Variants in ST6GALNAC3 observed in about 807,000 individuals in gnomAD.
ST6GALNAC3 encodes the protein alpha-N-acetylgalactosaminide alpha-2,6-sialyltransferase 3.
Under a neutral mutation model 32.7 loss-of-function variants are expected in ST6GALNAC3, and 25 were observed. The observed-to-expected ratio is 0.76, with a 90% confidence interval of 0.56 to 1.07. The LOEUF is 1.07. Among genes scored for constraint, ST6GALNAC3 ranks in the 50% least tolerant of loss-of-function variants. The pLI is 0.00. For synonymous variants in ST6GALNAC3, 129 were observed against 133.1 expected (o/e 0.97, Z 0.21); for missense variants, 355 against 382.4 (o/e 0.93, Z 0.60).
intron 3 of ST6GALNAC3, among the ~76,000 whole-genome samples, chr1:76,545,990 G>A (rs763541187): frequency 6.6e-6 from 1 of 152,140 alleles, no homozygotes; most frequent in Non-Finnish European, 1.5e-5. Flanking sequence ...AAAAACTGAG[G>A]TTGAACAATG....
intron 3 of ST6GALNAC3, among the ~76,000 whole-genome samples, chr1:76,618,422 A>T (rs1648431300): frequency 6.6e-6 from 1 of 152,128 alleles, no homozygotes; most frequent in Non-Finnish European, 1.5e-5. Flanking sequence ...AGTACTCCCC[A>T]CAGGATGGGG....
chr1:76,483,642 T>C (rs1237738538), intron 3 of ST6GALNAC3, among the ~76,000 whole-genome samples: 1 of 152,196 alleles, frequency 6.6e-6, no homozygotes, highest in Non-Finnish European at 1.5e-5. Context: ...GATAAGTAGA[T>C]TGCAAAAATT....
intron 2 of ST6GALNAC3, among the ~76,000 whole-genome samples, chr1:76,407,429 C>G (rs568182864): frequency 6.6e-6 from 1 of 151,842 alleles, no homozygotes; most frequent in Non-Finnish European, 1.5e-5. Flanking sequence ...AAAAAATAGC[C>G]AAAACAAATA....
intron 1 of ST6GALNAC3, among the ~76,000 whole-genome samples, chr1:76,281,344 G>A (rs1659488516): frequency 6.6e-6 from 1 of 152,196 alleles, no homozygotes; most frequent in Admixed American, 6.5e-5. Flanking sequence ...TAGTAAAGAG[G>A]TGAATGAATG....
intron 1 of ST6GALNAC3, among the ~76,000 whole-genome samples, chr1:76,142,081 T>G (rs1650363547): frequency 6.6e-6 from 1 of 152,102 alleles, no homozygotes; most frequent in South Asian, 2.1e-4. Context: ...CCTTGGGGGA[T>G]GGAGCATTTA....
intron 1 of ST6GALNAC3, among the ~76,000 whole-genome samples, chr1:76,242,112 A>G (rs973362497): frequency 2.0e-5 from 3 of 152,146 alleles, no homozygotes; most frequent in African/African-American, 4.8e-5. Flanking sequence ...TTGTTCTCCC[A>G]CCTTTTCCTT....
intron 3 of ST6GALNAC3, among the ~76,000 whole-genome samples, chr1:76,530,261 C>A (rs532174393): frequency 6.6e-6 from 1 of 152,160 alleles, no homozygotes; most frequent in Non-Finnish European, 1.5e-5. Context: ...GGTACAGGGG[C>A]GGACAAAACT....
chr1:76,340,087 A>G (rs1308240714), intron 2 of ST6GALNAC3, among the ~76,000 whole-genome samples: 2 of 152,224 alleles, frequency 1.3e-5, no homozygotes, highest in Non-Finnish European at 2.9e-5. Flanking sequence ...GGCTGGTATG[A>G]GAATTTTGGG....
At chr1:76,133,411 A>C (rs289698) in intron 1 of ST6GALNAC3, among the ~76,000 whole-genome samples, 8,172 of 152,254 alleles carry the variant, frequency 0.054, 232 homozygotes, top group South Asian at 0.077. Context: ...TATCAGCAGT[A>C]AAGTGGCCAG....
chr1:76,601,766 C>A (rs1312979036), intron 3 of ST6GALNAC3, among the ~76,000 whole-genome samples: 3 of 152,100 alleles, frequency 2.0e-5, no homozygotes, highest in Non-Finnish European at 4.4e-5. Flanking sequence ...GGGGAAGAAG[C>A]CTTTTGCACT....
chr1:76,611,281 T>A (rs1365308725), intron 3 of ST6GALNAC3, among the ~76,000 whole-genome samples: 1 of 152,044 alleles, frequency 6.6e-6, no homozygotes, highest in Non-Finnish European at 1.5e-5. Flanking sequence ...TCTAAATAAG[T>A]TGATAAGTTG....
intron 3 of ST6GALNAC3, among the ~76,000 whole-genome samples, chr1:76,469,607 T>G (rs564497528): frequency 7.9e-5 from 12 of 152,218 alleles, no homozygotes; most frequent in African/African-American, 2.9e-4. Flanking sequence ...GCCAGAAAGA[T>G]TCACAATGAA....
chr1:76,341,166 C>T (rs1570891944), intron 2 of ST6GALNAC3, among the ~76,000 whole-genome samples: 1 of 151,524 alleles, frequency 6.6e-6, no homozygotes, highest in Admixed American at 6.6e-5. Flanking sequence ...AATACAGAAC[C>T]CTGTAGGTAG....
Position 76,256,619 on chromosome 1 carries a change from T to C in ST6GALNAC3, c.19-57186T>C, listed in dbSNP as rs541848035. 2.7e-4 allele frequency among the ~76,000 whole-genome samples: 41 copies of C among 152,088 alleles called. 2 individuals are homozygous for C. The highest frequency in any genetic ancestry group is 8.0e-4 in the African/African-American group (33 of 41,486). On this transcript the variant is annotated intron_variant, in intron 1 of 4. Coordinates refer to ENST00000328299, the MANE Select transcript of ST6GALNAC3 (RefSeq NM_152996.4). ...ATTAGAGGTTTTTAAAAAGTAATAT[T>C]TGAATTTTGCCAGGGGGGTGGGGTG...
At chr1:76,317,263 T>C (rs1284707589) in intron 2 of ST6GALNAC3, among the ~76,000 whole-genome samples, 1 of 152,132 alleles carries the variant, frequency 6.6e-6, no homozygotes, top group Non-Finnish European at 1.5e-5. Flanking sequence ...TACTCCCAAA[T>C]GATTGTGCAT....
At chr1:76,504,525 A>G (rs151031793) in intron 3 of ST6GALNAC3, among the ~76,000 whole-genome samples, 1 of 152,292 alleles carries the variant, frequency 6.6e-6, no homozygotes, top group Non-Finnish European at 1.5e-5. Context: ...ACATGGCTCC[A>G]ATATCTAGTG....
At chr1:76,453,503 T>G (rs758605823) in intron 3 of ST6GALNAC3, among the ~76,000 whole-genome samples, 10 of 152,152 alleles carry the variant, frequency 6.6e-5, no homozygotes, top group Non-Finnish European at 1.2e-4. Flanking sequence ...TTCAATGAAT[T>G]TTTAAATTTC....
At chr1:76,075,371 A>AGGTG (rs1646800421) in intron 1 of ST6GALNAC3, among the ~76,000 whole-genome samples, 1 of 136,426 alleles carries the variant, frequency 7.3e-6, no homozygotes, top group African/African-American at 3.8e-5. Flanking sequence ...CTGAGTTTAC[A>AGGTG]GGTAGTCCCT....
intron 3 of ST6GALNAC3, among the ~76,000 whole-genome samples, chr1:76,575,928 A>G (rs1450651602): frequency 6.6e-6 from 1 of 152,058 alleles, no homozygotes; most frequent in Admixed American, 6.6e-5. Context: ...CAAGGCACAG[A>G]GGCTAGCCAA....
Sources: allele counts gnomAD v4.1 joint callset (sites outside exome capture counted in the v4.1 genomes callset), GRCh38; gene constraint gnomAD v4.1.1; transcripts MANE v1.5; gene names NCBI Gene and HGNC (gene_info 2026-07-23, HGNC 2026-07-21).